AJAP1: variants seen among roughly 807,000 people sequenced by gnomAD.
The protein encoded by AJAP1 is adherens junctions associated protein 1.
AJAP1 carries 5 observed loss-of-function variants against 35.0 expected under a neutral mutation model. The observed-to-expected ratio is 0.14, with a 90% CI of 0.07 to 0.30. The LOEUF is 0.30. Ranked by LOEUF, AJAP1 falls within the 10% of genes least tolerant of loss-of-function variation. The pLI is 1.00. For synonymous variants in AJAP1, 284 were observed against 249.3 expected, an observed-to-expected ratio of 1.14 and a Z score of -1.31; for missense variants, 586 against 571.0, an observed-to-expected ratio of 1.03 and a Z score of -0.27.
intron 1 of AJAP1, among the ~76,000 whole-genome samples, chr1:4,664,416 TC>T (rs1267875753): frequency 1.3e-5 from 2 of 152,094 alleles, no homozygotes; most frequent in African/African-American, 4.8e-5. Flanking sequence ...GCCTGGAGCT[TC>T]AAGCGTTCTG....
chr1:4,675,893 G>A (rs191667232), intron 1 of AJAP1, among the ~76,000 whole-genome samples: 60 of 152,338 alleles, frequency 3.9e-4, no homozygotes, highest in Admixed American at 2.0e-4. Context: ...TTTCTCTCCC[G>A]CTAAGGAAGA....
intron 1 of AJAP1, among the ~76,000 whole-genome samples, chr1:4,700,365 C>A (rs780085443): frequency 6.6e-6 from 1 of 152,162 alleles, no homozygotes; most frequent in Non-Finnish European, 1.5e-5. Flanking sequence ...GCCTCGCCCC[C>A]ACAGGCGCCC....
In AJAP1 at chr1:4,783,015, CATATATAA is replaced by C. The variant is rs1642095363; in HGVS notation, c.*542_*549del. The C allele has an allele frequency of 2.6e-6, 1 of 390,968 alleles. No homozygotes were observed. The allele number at this position is 390,968 out of a possible 1,614,324, so 24.2% of individuals were successfully genotyped here. ...AGAGTCGCTATTTCTGGTTAATATA[CATATATAA>C]ATATATAAATACAAACACACACACA... On this transcript the variant is annotated 3_prime_UTR_variant, in exon 6 of 6. Transcript: ENST00000378191.
At chr1:4,675,867 G>T (rs1639350945) in intron 1 of AJAP1, among the ~76,000 whole-genome samples, 1 of 152,242 alleles carries the variant, frequency 6.6e-6, no homozygotes. Flanking sequence ...TAGGAGAGAA[G>T]ATGGATGGTG....
intron 2 of AJAP1, among the ~76,000 whole-genome samples, chr1:4,759,876 G>A (rs768954046): frequency 1.3e-5 from 2 of 152,114 alleles, no homozygotes; most frequent in African/African-American, 2.4e-5. Context: ...AGCCCCTCCC[G>A]CCAGGCTCCA....
intron 2 of AJAP1, among the ~76,000 whole-genome samples, chr1:4,737,995 C>G (rs1640967998): frequency 6.6e-6 from 1 of 152,258 alleles, no homozygotes; most frequent in African/African-American, 2.4e-5. Context: ...CTCAGTTTCA[C>G]AAGAGCTGGT....
At chr1:4,730,715 T>C (rs970039406) in intron 2 of AJAP1, among the ~76,000 whole-genome samples, 2 of 152,154 alleles carry the variant, frequency 1.3e-5, no homozygotes, top group East Asian at 3.9e-4. Context: ...TGACCTTCCA[T>C]GTTGAGCCAC....
intron 2 of AJAP1, among the ~76,000 whole-genome samples, chr1:4,754,933 C>G (rs1319057326): frequency 6.6e-6 from 1 of 152,194 alleles, no homozygotes; most frequent in Non-Finnish European, 1.5e-5. Context: ...TCCTGACTTG[C>G]AACAGCCCCA....
At chr1:4,708,077 C>T (rs1365348842) in intron 1 of AJAP1, among the ~76,000 whole-genome samples, 1 of 151,128 alleles carries the variant, frequency 6.6e-6, no homozygotes, top group African/African-American at 2.4e-5. Flanking sequence ...AAGCGATTCT[C>T]CTGCCTCAGC....
At chr1:4,717,376 C>G (rs903392987) in intron 2 of AJAP1, among the ~76,000 whole-genome samples, 1 of 152,192 alleles carries the variant, frequency 6.6e-6, no homozygotes, top group African/African-American at 2.4e-5. Flanking sequence ...GCTGCTTTCC[C>G]CAGCTCATGT....
At chr1:4,778,571 ATCTCTCTCTCTC>A (rs141390632) in intron 5 of AJAP1, among the ~76,000 whole-genome samples, 3,006 of 142,834 alleles carry the variant, frequency 0.021, 26 homozygotes, top group African/African-American at 0.027. Flanking sequence ...GATTGGCGCC[ATCTCTCTCTCTC>A]TCTCTCTCTC....
intron 4 of AJAP1, among the ~76,000 whole-genome samples, chr1:4,773,429 T>C (rs1332150301): frequency 6.6e-6 from 1 of 152,218 alleles, no homozygotes; most frequent in African/African-American, 2.4e-5. Flanking sequence ...CCATAGTTAA[T>C]GTGTCTTTGT....
chr1:4,754,627 TC>T (rs1450102737), intron 2 of AJAP1, among the ~76,000 whole-genome samples: 2 of 152,214 alleles, frequency 1.3e-5, no homozygotes, highest in Non-Finnish European at 2.9e-5. Context: ...ATTCCCAGCT[TC>T]TGATTTTCCA....
chr1:4,708,820 C>T (rs1478775386), intron 1 of AJAP1, among the ~76,000 whole-genome samples: 1 of 150,238 alleles, frequency 6.7e-6, no homozygotes, highest in Non-Finnish European at 1.5e-5. Flanking sequence ...TTCCCCCTGC[C>T]CCCCACATTT....
intron 2 of AJAP1, among the ~76,000 whole-genome samples, chr1:4,768,935 T>TC (rs1258985199): frequency 6.6e-6 from 1 of 152,142 alleles, no homozygotes; most frequent in East Asian, 1.9e-4. Flanking sequence ...GTTTCCCCAG[T>TC]CCTGTGTCTG....
At chr1:4,761,205 C>T (rs1332417389) in intron 2 of AJAP1, among the ~76,000 whole-genome samples, 1 of 152,198 alleles carries the variant, frequency 6.6e-6, no homozygotes, top group African/African-American at 2.4e-5. Flanking sequence ...CTGAGAATCC[C>T]AGATTTGAAT....
At chr1:4,667,929 G>A (rs762354342) in intron 1 of AJAP1, among the ~76,000 whole-genome samples, 4 of 152,180 alleles carry the variant, frequency 2.6e-5, no homozygotes, top group Non-Finnish European at 5.9e-5. Flanking sequence ...TGCCGTTAGG[G>A]TAAGGCCAGG....
At chr1:4,778,037 T>TTATG (rs769507329) in intron 5 of AJAP1, among the ~76,000 whole-genome samples, 155 of 152,320 alleles carry the variant, frequency 1.0e-3, no homozygotes, top group Non-Finnish European at 1.1e-3. Context: ...TGTATTTATT[T>TTATG]TATGTATGTA....
At chr1:4,763,681 CAAAG>C (rs1641620030) in intron 2 of AJAP1, among the ~76,000 whole-genome samples, 1 of 152,056 alleles carries the variant, frequency 6.6e-6, no homozygotes, top group Admixed American at 6.5e-5. Flanking sequence ...ACCAAAAAGA[CAAAG>C]AAAGGGCAAA....
Sources: gnomAD v4.1 joint callset for allele counts (sites outside exome capture counted in the v4.1 genomes callset) on GRCh38, gnomAD v4.1.1 for gene constraint, MANE v1.5 for transcripts, NCBI Gene and HGNC (gene_info 2026-07-23, HGNC 2026-07-21) for gene names.